GALNT17: variants seen among roughly 807,000 people sequenced by gnomAD.
GALNT17 encodes UDP-GalNAc:polypeptide N-acetylgalactosaminyltransferase-like 3.
A neutral mutation model predicts 63.7 loss-of-function variants in GALNT17; 29 were observed. The observed-to-expected ratio is 0.46, with a 90% CI of 0.34 to 0.62. GALNT17 has a LOEUF of 0.62. Ranked by LOEUF, GALNT17 falls within the 20% of genes least tolerant of loss-of-function variation. GALNT17 has a pLI of 0.01. For missense variants in GALNT17, 603 were observed against 799.6 expected (o/e 0.75, Z 2.97); for synonymous variants, 305 against 318.3 (o/e 0.96, Z 0.45).
At chr7:71,372,362 G>T (rs7787083) in intron 2 of GALNT17, among the ~76,000 whole-genome samples, 47,408 of 151,778 alleles carry the variant, frequency 0.31, 8,858 homozygotes, top group Non-Finnish European at 0.43. Context: ...ACAGGGTTTT[G>T]CCATGTTGGA....
intron 5 of GALNT17, among the ~76,000 whole-genome samples, chr7:71,521,363 G>A (rs1359657896): frequency 6.6e-6 from 1 of 152,006 alleles, no homozygotes; most frequent in Admixed American, 6.6e-5. Flanking sequence ...CCTTACCTTT[G>A]ACCACCTCCT....
At chr7:71,339,212 C>T (rs1791965083) in intron 2 of GALNT17, among the ~76,000 whole-genome samples, 2 of 152,192 alleles carry the variant, frequency 1.3e-5, no homozygotes, top group Admixed American at 6.5e-5. Flanking sequence ...GAGATAGACA[C>T]TTGGATGAAG....
chr7:71,473,214 G>A (rs1330914706), intron 5 of GALNT17, among the ~76,000 whole-genome samples: 1 of 152,122 alleles, frequency 6.6e-6, no homozygotes, highest in African/African-American at 2.4e-5. Flanking sequence ...GGGGAGCTGT[G>A]GAGACCAAAG....
intron 2 of GALNT17, among the ~76,000 whole-genome samples, chr7:71,367,665 A>C (rs1019577550): frequency 3.5e-5 from 4 of 114,442 alleles, no homozygotes; most frequent in African/African-American, 1.2e-4. Flanking sequence ...GCCACTGACG[A>C]GTCCACCAGC....
chr7:71,624,048 A>G (rs987535622), intron 6 of GALNT17, among the ~76,000 whole-genome samples: 3 of 152,178 alleles, frequency 2.0e-5, no homozygotes, highest in Non-Finnish European at 4.4e-5. Flanking sequence ...CAAGAGACAC[A>G]GACACCCAGG....
intron 5 of GALNT17, among the ~76,000 whole-genome samples, chr7:71,549,761 G>A (rs1310927880): frequency 6.6e-6 from 1 of 151,936 alleles, no homozygotes; most frequent in Non-Finnish European, 1.5e-5. Flanking sequence ...CCAAGCCCCT[G>A]GAAGAATTTT....
intron 6 of GALNT17, 48 bp downstream of exon 6, chr7:71,571,450 C>G (rs772879592): frequency 1.1e-5 from 17 of 1,512,570 alleles, no homozygotes; most frequent in Non-Finnish European, 1.5e-5. Flanking sequence ...TGTTTGTGAG[C>G]AGAGCGTCTT....
At chr7:71,250,526 G>T (rs1284306091) in intron 1 of GALNT17, among the ~76,000 whole-genome samples, 2 of 152,240 alleles carry the variant, frequency 1.3e-5, no homozygotes, top group African/African-American at 4.8e-5. Flanking sequence ...TAGAGTGAAT[G>T]AAATTAGCTG....
intron 1 of GALNT17, among the ~76,000 whole-genome samples, chr7:71,213,708 AT>A (rs762400644): frequency 5.3e-5 from 8 of 152,210 alleles, no homozygotes; most frequent in Non-Finnish European, 1.0e-4. Flanking sequence ...AAATTCTTTT[AT>A]ATTGGGTGTT....
At chr7:71,700,047 T>A (rs1791607296) in intron 9 of GALNT17, among the ~76,000 whole-genome samples, 1 of 151,746 alleles carries the variant, frequency 6.6e-6, no homozygotes, top group Non-Finnish European at 1.5e-5. Context: ...ATCACAGCAG[T>A]TTGGGAGGCC....
intron 6 of GALNT17, among the ~76,000 whole-genome samples, chr7:71,644,642 T>G (rs1790650806): frequency 6.6e-6 from 1 of 150,780 alleles, no homozygotes; most frequent in Admixed American, 6.6e-5. Context: ...CCCTAGCTAC[T>G]TGGGAGGCTG....
chr7:71,316,188 G>GTCCTGATCTGTGGGTCTGACCAGGA (rs1791495268), intron 1 of GALNT17, among the ~76,000 whole-genome samples: 1 of 105,768 alleles, frequency 9.5e-6, no homozygotes, highest in Non-Finnish European at 1.9e-5. Flanking sequence ...GCCGCCTGGG[G>GTCCTGATCTGTGGGTCTGACCAGGA]TCCTGATCTG....
chr7:71,285,921 C>G (rs1434537579), intron 1 of GALNT17, among the ~76,000 whole-genome samples: 5 of 152,194 alleles, frequency 3.3e-5, no homozygotes, highest in Admixed American at 3.3e-4. Context: ...GAAGCTATTT[C>G]TAGTTCCGGG....
In GALNT17 at chr7:71,501,642, C is replaced by G. The variant is rs552497085; in HGVS notation, c.963-69643C>G. Among the ~76,000 whole-genome samples, 5 of 152,196 alleles carry G rather than the reference C, an allele frequency of 3.3e-5. No individual in the cohort carries two copies. In the South Asian group the frequency reaches 6.2e-4, roughly 19 times the overall value. ...GGTCTTCTCTGGCCAAAACCCATGT[C>G]CTGAGTGTTGATAGGGACTCTTAGT... is the stretch of plus-strand genomic sequence containing the variant. On this transcript the variant is annotated intron_variant, in intron 5 of 10. Transcript: ENST00000333538.
At chr7:71,540,109 TTTTTTTTTTTTTTTTTTTTG>T (rs1788865231) in intron 5 of GALNT17, among the ~76,000 whole-genome samples, 1 of 110,830 alleles carries the variant, frequency 9.0e-6, no homozygotes, top group African/African-American at 3.6e-5. Flanking sequence ...TTTTTTTTTT[TTTTTTTTTTTTTTTTTTTTG>T]ATGGAGTCTC....
intron 1 of GALNT17, among the ~76,000 whole-genome samples, chr7:71,252,732 A>T (rs1172859250): frequency 6.6e-6 from 1 of 152,160 alleles, no homozygotes; most frequent in Non-Finnish European, 1.5e-5. Context: ...TTACTCTGCC[A>T]AAGGGGAAAG....
chr7:71,635,997 G>A (rs535060286), intron 6 of GALNT17, among the ~76,000 whole-genome samples: 1 of 152,232 alleles, frequency 6.6e-6, no homozygotes, highest in Admixed American at 6.5e-5. Context: ...GTCTCATCCT[G>A]TGACTAAGAA....
At chr7:71,366,190 C>T (rs765661247) in intron 2 of GALNT17, among the ~76,000 whole-genome samples, 99 of 152,208 alleles carry the variant, frequency 6.5e-4, no homozygotes, top group Non-Finnish European at 1.0e-3. Flanking sequence ...ACTCTCCTGA[C>T]GCTCACCTCC....
At chr7:71,510,576 T>A (rs1788340605) in intron 5 of GALNT17, among the ~76,000 whole-genome samples, 1 of 152,070 alleles carries the variant, frequency 6.6e-6, no homozygotes, top group African/African-American at 2.4e-5. Flanking sequence ...TCCACCCAGA[T>A]CAAAAGGCCC....
Sources: allele counts gnomAD v4.1 joint callset (sites outside exome capture counted in the v4.1 genomes callset), GRCh38; gene constraint gnomAD v4.1.1; transcripts MANE v1.5; gene names NCBI Gene and HGNC (gene_info 2026-07-23, HGNC 2026-07-21).